The following VWC2L variants were observed in gnomAD, a reference collection of about 807,000 sequenced individuals.
The protein encoded by VWC2L is von Willebrand factor C domain-containing protein 2-like.
A neutral mutation model predicts 21.6 loss-of-function variants in VWC2L; 10 were observed. The ratio of observed to expected loss-of-function variants is 0.46; its 90% CI spans 0.29 to 0.78. VWC2L has a LOEUF of 0.78. Ranked by LOEUF, VWC2L falls within the 30% of genes least tolerant of loss-of-function variation. The pLI, the probability that VWC2L is intolerant of heterozygous loss-of-function variation, is 0.10. For synonymous variants in VWC2L, 96 were observed against 94.3 expected, an observed-to-expected ratio of 1.02 and a Z score of -0.10; for missense variants, 209 against 277.1, an observed-to-expected ratio of 0.75 and a Z score of 1.74.
At chr2:214,507,317 C>T (rs1451535676) in intron 3 of VWC2L, among the ~76,000 whole-genome samples, 4 of 152,136 alleles carry the variant, frequency 2.6e-5, no homozygotes, top group Admixed American at 1.3e-4. Flanking sequence ...TGAACTTTAT[C>T]TGAAGTCCTT....
At chr2:214,555,237 C>G (rs559651863) in intron 3 of VWC2L, among the ~76,000 whole-genome samples, 4 of 152,128 alleles carry the variant, frequency 2.6e-5, no homozygotes, top group African/African-American at 7.2e-5. Flanking sequence ...CAAGTTGTCC[C>G]GCCCTTACAG....
At chr2:214,457,153 G>A (rs1010511897) in intron 3 of VWC2L, among the ~76,000 whole-genome samples, 2 of 151,924 alleles carry the variant, frequency 1.3e-5, no homozygotes, top group Admixed American at 1.3e-4. Context: ...AGAATGCTTT[G>A]GGTAGAAGCA....
At chr2:214,562,376 C>A (rs776618936) in intron 3 of VWC2L, among the ~76,000 whole-genome samples, 1 of 152,180 alleles carries the variant, frequency 6.6e-6, no homozygotes, top group Non-Finnish European at 1.5e-5. Context: ...ACCATATTTT[C>A]TTTATCCAAT....
At position 214,449,250 on chromosome 2, in the gene VWC2L, G is replaced by A. The variant is rs150322674; in HGVS notation, c.520+12492G>A. Among the ~76,000 whole-genome samples the A allele has an allele frequency of 2.5e-3, 386 of 152,308 alleles. 2 individuals are homozygous for A. The highest frequency in any genetic ancestry group is 2.8e-3 in the Non-Finnish European group (191 of 68,028). On this transcript the variant is annotated intron_variant, in intron 3 of 3. Coordinates refer to ENST00000312504, the MANE Select transcript of VWC2L (RefSeq NM_001080500.4). ...GTGTGGATACCTAGATATACACTGT[G>A]GTAGGCTAGAAGTATTGAGCAGCTT...
intron 3 of VWC2L, among the ~76,000 whole-genome samples, chr2:214,491,079 A>G (rs1688739399): frequency 6.6e-6 from 1 of 152,176 alleles, no homozygotes; most frequent in Non-Finnish European, 1.5e-5. Context: ...GAGTGATTTA[A>G]GGGTTCTGCA....
At chr2:214,420,902 C>A (rs1164435268) in intron 2 of VWC2L, among the ~76,000 whole-genome samples, 1 of 152,142 alleles carries the variant, frequency 6.6e-6, no homozygotes, top group African/African-American at 2.4e-5. Context: ...AAAAGGAATG[C>A]CTTCCCCTTT....
chr2:214,521,306 C>T (rs1027466878), intron 3 of VWC2L, among the ~76,000 whole-genome samples: 5 of 151,966 alleles, frequency 3.3e-5, no homozygotes, highest in African/African-American at 4.8e-5. Flanking sequence ...AAACATGCTA[C>T]ATAATTTTCA....
intron 3 of VWC2L, among the ~76,000 whole-genome samples, chr2:214,441,472 T>A (rs942950418): frequency 6.6e-6 from 1 of 152,162 alleles, no homozygotes. Flanking sequence ...TGTCAATTTT[T>A]TATTGATGAT....
At chr2:214,551,305 C>G (rs1278168902) in intron 3 of VWC2L, among the ~76,000 whole-genome samples, 2 of 152,110 alleles carry the variant, frequency 1.3e-5, no homozygotes, top group Non-Finnish European at 2.9e-5. Flanking sequence ...TTAAAGGTCT[C>G]AGTCAAATTT....
chr2:214,535,726 A>C (rs1255938167), intron 3 of VWC2L, among the ~76,000 whole-genome samples: 1 of 152,060 alleles, frequency 6.6e-6, no homozygotes. Flanking sequence ...TAGATCAATT[A>C]GATAAATTAA....
intron 3 of VWC2L, among the ~76,000 whole-genome samples, chr2:214,551,398 A>G (rs1175945517): frequency 6.6e-6 from 1 of 152,248 alleles, no homozygotes; most frequent in Non-Finnish European, 1.5e-5. Context: ...GGGCAGTTTC[A>G]GTGCCTGGAG....
intron 3 of VWC2L, among the ~76,000 whole-genome samples, chr2:214,507,553 G>A (rs1473824751): frequency 6.6e-6 from 1 of 152,198 alleles, no homozygotes; most frequent in Non-Finnish European, 1.5e-5. Context: ...GCAAGTCAGT[G>A]ATGGAACCAG....
chr2:214,552,824 C>G (rs1262218231), intron 3 of VWC2L, among the ~76,000 whole-genome samples: 1 of 152,190 alleles, frequency 6.6e-6, no homozygotes, highest in Non-Finnish European at 1.5e-5. Flanking sequence ...TCTCAACCCT[C>G]ATATTCGACT....
chr2:214,551,412 T>A (rs1689792703), intron 3 of VWC2L, among the ~76,000 whole-genome samples: 1 of 152,224 alleles, frequency 6.6e-6, no homozygotes. Context: ...CCTGGAGCAG[T>A]CTCAGATTTT....
chr2:214,471,905 C>T (rs534329072), intron 3 of VWC2L, among the ~76,000 whole-genome samples: 5 of 152,286 alleles, frequency 3.3e-5, no homozygotes, highest in East Asian at 3.9e-4. Context: ...ACAAGGTTCA[C>T]GTATCTGTAA....
chr2:214,550,270 AC>A (rs1298163642), intron 3 of VWC2L, among the ~76,000 whole-genome samples: 2 of 152,186 alleles, frequency 1.3e-5, no homozygotes, highest in Non-Finnish European at 2.9e-5. Context: ...CTTCCATACA[AC>A]AGACTCGGCC....
At position 214,572,836 on chromosome 2, in the gene VWC2L, C is replaced by G. The variant is rs561595148; in HGVS notation, c.521-2836C>G. ...TGAGATCAAACAGGAATTTTTGATTCTGTAAAATACCTCTGGCCATCAGGT... is the reference window on the plus strand; with the variant it reads ...TGAGATCAAACAGGAATTTTTGATTGTGTAAAATACCTCTGGCCATCAGGT... On this transcript the variant is annotated intron_variant, in intron 3 of 3. Coordinates refer to ENST00000312504, the MANE Select transcript of VWC2L (RefSeq NM_001080500.4). Among the ~76,000 whole-genome samples the G allele has an allele frequency of 2.6e-5, 4 of 152,276 alleles. No individual in the cohort carries two copies. In the East Asian group the frequency reaches 7.7e-4, roughly 29 times the overall value.
intron 3 of VWC2L, among the ~76,000 whole-genome samples, chr2:214,492,600 G>T (rs1243257276): frequency 1.3e-5 from 2 of 152,154 alleles, no homozygotes; most frequent in Non-Finnish European, 2.9e-5. Context: ...TAAAATGAAT[G>T]TGTTCACTTA....
At chr2:214,493,534 C>G (rs114342176) in intron 3 of VWC2L, among the ~76,000 whole-genome samples, 1 of 152,152 alleles carries the variant, frequency 6.6e-6, no homozygotes, top group Non-Finnish European at 1.5e-5. Context: ...ATGCTCCCCA[C>G]CCCCATGCAT....
Sources: gnomAD v4.1 joint callset for allele counts (sites outside exome capture counted in the v4.1 genomes callset) on GRCh38, gnomAD v4.1.1 for gene constraint, MANE v1.5 for transcripts, NCBI Gene and HGNC (gene_info 2026-07-23, HGNC 2026-07-21) for gene names.